Variants in MYO6 observed in about 807,000 individuals in gnomAD.
MYO6 encodes myosin VI.
MYO6 carries 74 observed loss-of-function variants against 178.7 expected under a neutral mutation model. That is an observed-to-expected ratio of 0.41 (90% confidence interval 0.34 to 0.50). MYO6 has a LOEUF of 0.50. Ranked by LOEUF, MYO6 falls within the 20% of genes least tolerant of loss-of-function variation. MYO6 has a pLI of 0.09. For synonymous variants in MYO6, 477 were observed against 504.6 expected (o/e 0.95, Z 0.73); for missense variants, 1,330 against 1,547.4 (o/e 0.86, Z 2.36).
intron 1 of MYO6, among the ~76,000 whole-genome samples, chr6:75,788,558 A>G (rs1485968057): frequency 6.6e-6 from 1 of 152,136 alleles, no homozygotes; most frequent in Non-Finnish European, 1.5e-5. Context: ...AAACTGAAGC[A>G]CCCTGATGGT....
chr6:75,760,301 A>G (rs1777832013), intron 1 of MYO6, among the ~76,000 whole-genome samples: 1 of 152,152 alleles, frequency 6.6e-6, no homozygotes, highest in Non-Finnish European at 1.5e-5. Flanking sequence ...TTTTGGATAG[A>G]TTCCTTAGGG....
chr6:75,852,698 C>T (rs759352203), intron 11 of MYO6, among the ~76,000 whole-genome samples: 6 of 151,966 alleles, frequency 3.9e-5, no homozygotes, highest in Non-Finnish European at 5.9e-5. Context: ...TTTTTATTGC[C>T]GAATAATATT....
chr6:75,900,822 G>C (rs1488070725), intron 30 of MYO6, among the ~76,000 whole-genome samples: 1 of 151,180 alleles, frequency 6.6e-6, no homozygotes, highest in Admixed American at 6.6e-5. Context: ...CCTATGTCCT[G>C]AATGGTAATG....
In MYO6 at chr6:75,918,581, A is replaced by C. The variant is rs1476364733; in HGVS notation, c.*3569A>C. On this transcript the variant is annotated 3_prime_UTR_variant, in exon 35 of 35. Transcript: ENST00000369977. Reference sequence around the variant, plus strand: ...CCATACTGGAGAAGGTCAGCAGTAAATAGGCATTCTGTACATAAGCCTCAT... The same window carrying C: ...CCATACTGGAGAAGGTCAGCAGTAACTAGGCATTCTGTACATAAGCCTCAT... The C allele has an allele frequency of 3.9e-5, 6 of 152,252 alleles. No individual in the cohort carries two copies. Among genetic ancestry groups the C allele is most frequent in the Non-Finnish European group, 1.5e-5 (1 of 68,058 alleles). 9.4% of individuals were successfully genotyped at this position (152,252 alleles called of 1,614,324 possible). A position where few individuals can be genotyped will look rare whatever the true frequency, so the allele number is the denominator to read the frequency against.
chr6:75,881,358 A>G (rs1312064834), intron 22 of MYO6, among the ~76,000 whole-genome samples: 3 of 152,138 alleles, frequency 2.0e-5, no homozygotes, highest in African/African-American at 4.8e-5. Context: ...TCAGAGATAC[A>G]GTAGTCCTTT....
intron 5 of MYO6, among the ~76,000 whole-genome samples, chr6:75,831,810 A>G (rs527337938): frequency 6.6e-6 from 1 of 151,468 alleles, no homozygotes; most frequent in African/African-American, 2.4e-5. Context: ...AGATCGCTTG[A>G]GCTCAGGAGA....
In MYO6 at chr6:75,828,606, G is replaced by T; in HGVS notation, c.254G>T (p.Arg85Ile). 1 of 1,559,516 alleles carries T rather than the reference G, an allele frequency of 6.4e-7. No individual in the cohort carries two copies. The highest frequency in any genetic ancestry group is 1.7e-5 in the Admixed American group (1 of 59,918). Residue 85 changes from arginine (R) to isoleucine (I), a missense_variant, in exon 4 of 35, where the codon AGA (arginine) becomes ATA (isoleucine). Physicochemically the swap from Arg to Ile is moderately conservative, Grantham distance 97. This residue lies in a region of MYO6 where 116 missense variants were observed against 104.6 expected (regional missense o/e 1.11). Coordinates refer to ENST00000369977, the MANE Select transcript of MYO6 (RefSeq NM_004999.4). ...ATCAAAGTTCGATATAGTAAAGACA[G>T]AATTTATGTAAGTATTTTACCTGTA... ...HNIKVRYSKD[R>I]IYTYVANILI... is the part of the protein sequence containing the mutation.
chr6:75,793,583 G>A (rs968506118), intron 1 of MYO6, among the ~76,000 whole-genome samples: 2 of 151,348 alleles, frequency 1.3e-5, no homozygotes, highest in Non-Finnish European at 2.9e-5. Flanking sequence ...CAGCCTGGGC[G>A]ACAGACACTT....
intron 1 of MYO6, among the ~76,000 whole-genome samples, chr6:75,761,004 T>C (rs973705319): frequency 6.6e-6 from 1 of 152,198 alleles, no homozygotes; most frequent in Non-Finnish European, 1.5e-5. Flanking sequence ...TGGGCATGAT[T>C]TGCTGTCTGT....
rs937580437 is a variant in MYO6 at position 75,895,100 on chromosome 6, C to A, written c.3108-131C>A. 7.2e-6 allele frequency: 5 copies of A among 691,276 alleles called. No individual in the cohort carries two copies. The African/African-American group carries it at 7.3e-5, about 10-fold the overall frequency. The allele number at this position is 691,276 out of a possible 1,614,324, so 42.8% of individuals were successfully genotyped here. On this transcript the variant is annotated intron_variant, in intron 28 of 34. Transcript: ENST00000369977. ...AAAATATATTAAAATTCTGAGTGAT[C>A]TCATGTTGATTACAAATAATTGAGT...
chr6:75,835,780 A>G (rs1296343384), intron 6 of MYO6, 121 bp from the exon 7 acceptor site: 2 of 686,964 alleles, frequency 2.9e-6, no homozygotes, highest in Non-Finnish European at 5.3e-6. Context: ...GAATAGTTGC[A>G]TTTAATTACA....
chr6:75,856,562 C>G (rs749997753), intron 12 of MYO6, among the ~76,000 whole-genome samples: 15 of 150,432 alleles, frequency 1.0e-4, no homozygotes, highest in Non-Finnish European at 1.9e-4. Context: ...TGGAAATTCT[C>G]TTCTGTGCCA....
chr6:75,878,043 T>TA (rs1260591254), intron 20 of MYO6, among the ~76,000 whole-genome samples: 10 of 152,190 alleles, frequency 6.6e-5, no homozygotes, highest in African/African-American at 2.4e-4. Context: ...AGCCTAGAGC[T>TA]AAATCTAGTT....
chr6:75,872,854 AC>A (rs777509987), intron 19 of MYO6, among the ~76,000 whole-genome samples: 1 of 151,082 alleles, frequency 6.6e-6, no homozygotes, highest in African/African-American at 2.4e-5. Flanking sequence ...ATCTCAGCTC[AC>A]TGCAACCTCC....
chr6:75,754,237 T>C (rs1368595205), intron 1 of MYO6, among the ~76,000 whole-genome samples: 1 of 152,156 alleles, frequency 6.6e-6, no homozygotes, highest in East Asian at 1.9e-4. Context: ...GAAAATAACC[T>C]GGCTGGGGCG....
At chr6:75,839,952 A>C (rs918073406) in intron 7 of MYO6, among the ~76,000 whole-genome samples, 5 of 151,950 alleles carry the variant, frequency 3.3e-5, no homozygotes, top group African/African-American at 1.2e-4. Flanking sequence ...TAAAACAGTA[A>C]AATTTTTAGG....
At position 75,867,065 on chromosome 6, in the gene MYO6, C is replaced by G. The variant is rs765593451; in HGVS notation, c.1904C>G (p.Ala635Gly). The part of the protein sequence containing the change: ...TNNNKDTKQK[A>G]GKLSFISVGN... ...AACAACAAAGATACTAAACAAAAAGCAGGAAAACTTAGCTTCATCAGCGTG... is the reference window on the plus strand; with the variant it reads ...AACAACAAAGATACTAAACAAAAAGGAGGAAAACTTAGCTTCATCAGCGTG... Residue 635 changes from alanine (A) to glycine (G), a missense_variant, in exon 18 of 35, where the codon GCA becomes GGA. Physicochemically the swap from Ala to Gly is moderately conservative, Grantham distance 60 (BLOSUM62 0). This residue lies in a region of MYO6 where 613 missense variants were observed against 816.8 expected (regional missense o/e 0.75). Coordinates refer to ENST00000369977, the MANE Select transcript of MYO6 (RefSeq NM_004999.4). 1 of 1,613,746 alleles carries G rather than the reference C, an allele frequency of 6.2e-7. No individual in the cohort carries two copies. Among genetic ancestry groups the G allele is most frequent in the South Asian group, 1.1e-5 (1 of 91,040 alleles).
chr6:75,895,989 A>G (rs910945211), intron 29 of MYO6, among the ~76,000 whole-genome samples: 1 of 152,164 alleles, frequency 6.6e-6, no homozygotes, highest in Non-Finnish European at 1.5e-5. Flanking sequence ...TTTGGTGCTA[A>G]TGTATCTTTT....
intron 32 of MYO6, 31 bp downstream of exon 32, chr6:75,908,658 TA>T: frequency 6.2e-7 from 1 of 1,606,042 alleles, no homozygotes; most frequent in Middle Eastern, 1.7e-4. Context: ...TTGAACGTTT[TA>T]AAATATATGT....
Sources: gnomAD v4.1 joint callset for allele counts (sites outside exome capture counted in the v4.1 genomes callset) on GRCh38, gnomAD v4.1.1 for gene constraint, gnomAD v4.1.1 regional missense constraint, MANE v1.5 for transcripts, NCBI Gene and HGNC (gene_info 2026-07-23, HGNC 2026-07-21) for gene names.